The following ARHGAP20 variants were observed in gnomAD, a reference collection of about 807,000 sequenced individuals.
ARHGAP20 encodes rho GTPase-activating protein 20.
In ARHGAP20, 34 loss-of-function variants were observed where a neutral mutation model predicts 73.7. The observed-to-expected ratio is 0.46, with a 90% CI of 0.35 to 0.61. The LOEUF is 0.61. Among genes scored for constraint, ARHGAP20 ranks in the 20% least tolerant of loss-of-function variants. ARHGAP20 has a pLI of 0.00. For missense variants in ARHGAP20, 1,314 were observed against 1,420.9 expected (o/e 0.92, Z 1.21); for synonymous variants, 523 against 518.2 (o/e 1.01, Z -0.13).
At chr11:110,687,258 G>T (rs1950155929) in intron 2 of ARHGAP20, among the ~76,000 whole-genome samples, 1 of 151,408 alleles carries the variant, frequency 6.6e-6, no homozygotes, top group South Asian at 2.1e-4. Context: ...ATAGAGACAG[G>T]GTCTTGCTAT....
At chr11:110,651,516 A>G (rs1462472342) in intron 2 of ARHGAP20, among the ~76,000 whole-genome samples, 2 of 152,074 alleles carry the variant, frequency 1.3e-5, no homozygotes, top group Non-Finnish European at 2.9e-5. Context: ...AGAATTGAAT[A>G]GATGCAATAA....
At chr11:110,699,991 GCA>G (rs1950412840) in intron 1 of ARHGAP20, among the ~76,000 whole-genome samples, 1 of 151,980 alleles carries the variant, frequency 6.6e-6, no homozygotes, top group Non-Finnish European at 1.5e-5. Context: ...CAATAACAAT[GCA>G]GAAAACACTT....
chr11:110,594,521 T>G (rs1947905131), intron 9 of ARHGAP20, among the ~76,000 whole-genome samples: 1 of 152,210 alleles, frequency 6.6e-6, no homozygotes, highest in South Asian at 2.1e-4. Context: ...CTACTCTCCA[T>G]GTGGTTTCAC....
At chr11:110,627,510 T>C (rs548223642) in intron 3 of ARHGAP20, among the ~76,000 whole-genome samples, 5 of 152,172 alleles carry the variant, frequency 3.3e-5, no homozygotes, top group Admixed American at 6.5e-5. Context: ...ATTGATGAAA[T>C]ACACAGGATT....
intron 7 of ARHGAP20, 70 bp downstream of exon 7, chr11:110,611,239 G>T: frequency 9.5e-7 from 1 of 1,049,070 alleles, no homozygotes; most frequent in Non-Finnish European, 1.4e-6. Flanking sequence ...ATGATGGAAG[G>T]AAAATACTTA....
At chr11:110,624,908 C>A (rs1415761714) in intron 3 of ARHGAP20, among the ~76,000 whole-genome samples, 1 of 152,060 alleles carries the variant, frequency 6.6e-6, no homozygotes, top group African/African-American at 2.4e-5. Flanking sequence ...AACCTAACTT[C>A]AAATGTACTG....
chr11:110,607,523 T>A (rs1409279316), intron 8 of ARHGAP20, among the ~76,000 whole-genome samples: 1 of 152,188 alleles, frequency 6.6e-6, no homozygotes. Flanking sequence ...TGATGTAGAT[T>A]TTTTTTAAGT....
chr11:110,625,020 ATTTTTATTTTTATT>A (rs1948708191), intron 3 of ARHGAP20, among the ~76,000 whole-genome samples: 3 of 125,086 alleles, frequency 2.4e-5, no homozygotes, highest in African/African-American at 8.1e-5. Context: ...TTTTTTTTTT[ATTTTTATTTTTATT>A]TTTTTTTTTT....
At chr11:110,686,296 TA>T (rs574962911) in intron 2 of ARHGAP20, among the ~76,000 whole-genome samples, 1 of 151,682 alleles carries the variant, frequency 6.6e-6, no homozygotes, top group Non-Finnish European at 1.5e-5. Context: ...CTCCAAGTTT[TA>T]AAAAAAACTG....
intron 1 of ARHGAP20, among the ~76,000 whole-genome samples, chr11:110,697,401 T>C (rs1332336756): frequency 6.6e-6 from 1 of 151,824 alleles, no homozygotes; most frequent in Non-Finnish European, 1.5e-5. Flanking sequence ...TCTGTTCATG[T>C]CCTTTGCCCA....
Position 110,580,689 on chromosome 11 carries a change from C to A in ARHGAP20, c.2257G>T (p.Gly753Ter), listed in dbSNP as rs766995429. Residue 753 changes from glycine to a stop codon, truncating the protein, a stop_gained, in exon 15 of 15, where the codon GGA becomes TGA. Transcript: ENST00000683387. LOFTEE classifies it low-confidence loss of function (END_TRUNC). ...LKQNQPLQEE[G>*]KTCFKQSLVT... is the part of the protein sequence containing the mutation. Reference sequence around the variant, plus strand: ...AAACTCTGTTTAAAACATGTCTTTCCTTCCTCCTGGAGGGGTTGATTCTGC... The same window carrying A: ...AAACTCTGTTTAAAACATGTCTTTCATTCCTCCTGGAGGGGTTGATTCTGC... 6.2e-7 allele frequency: 1 copy of A among 1,613,898 alleles called. No individual in the cohort carries two copies. The highest frequency in any genetic ancestry group is 2.2e-5 in the East Asian group (1 of 44,882).
chr11:110,657,920 GAGGAAGGAAGGAAGGAAGGAAGGA>G (rs3044293), intron 2 of ARHGAP20, among the ~76,000 whole-genome samples: 11 of 134,056 alleles, frequency 8.2e-5, no homozygotes, highest in Admixed American at 7.7e-4. Flanking sequence ...AAAAGAGAGA[GAGGAAGGAAGGAAGGAAGGAAGGA>G]AGGAAGGAAG....
At chr11:110,596,070 C>T (rs189817408) in intron 9 of ARHGAP20, among the ~76,000 whole-genome samples, 17,726 of 152,014 alleles carry the variant, frequency 0.12, 1,360 homozygotes, top group African/African-American at 0.21. Context: ...ATAAATGGTG[C>T]TGGGAAAACT....
chr11:110,659,180 T>G (rs1949541404), intron 2 of ARHGAP20, among the ~76,000 whole-genome samples: 1 of 144,812 alleles, frequency 6.9e-6, no homozygotes, highest in African/African-American at 2.6e-5. Context: ...CCACCAACAG[T>G]GTAAAAGTGT....
At chr11:110,603,496 G>T (rs1264262489) in intron 9 of ARHGAP20, among the ~76,000 whole-genome samples, 2 of 152,146 alleles carry the variant, frequency 1.3e-5, no homozygotes, top group Admixed American at 6.5e-5. Context: ...ATATCAAGCT[G>T]CTTTATATAC....
intron 3 of ARHGAP20, among the ~76,000 whole-genome samples, chr11:110,626,462 G>T (rs968052416): frequency 2.5e-4 from 38 of 152,136 alleles, no homozygotes; most frequent in African/African-American, 9.2e-4. Flanking sequence ...TACCATTGTT[G>T]TAAATACTTT....
intron 2 of ARHGAP20, among the ~76,000 whole-genome samples, chr11:110,643,410 A>G (rs1320586513): frequency 6.6e-6 from 1 of 152,064 alleles, no homozygotes; most frequent in Non-Finnish European, 1.5e-5. Flanking sequence ...TAGTACGACA[A>G]TCTTTCCTCT....
At chr11:110,614,928 T>C (rs1253145941) in intron 5 of ARHGAP20, among the ~76,000 whole-genome samples, 1 of 152,164 alleles carries the variant, frequency 6.6e-6, no homozygotes, top group Non-Finnish European at 1.5e-5. Flanking sequence ...GTAATGTCTG[T>C]CTTCTTTGGA....
At chr11:110,641,635 G>A (rs1178163498) in intron 2 of ARHGAP20, among the ~76,000 whole-genome samples, 2 of 151,976 alleles carry the variant, frequency 1.3e-5, no homozygotes. Context: ...CTCAGAGGCT[G>A]TAGTGAGCTA....
Sources: gnomAD v4.1 joint callset for allele counts (sites outside exome capture counted in the v4.1 genomes callset) on GRCh38, gnomAD v4.1.1 for gene constraint, MANE v1.5 for transcripts, NCBI Gene and HGNC (gene_info 2026-07-23, HGNC 2026-07-21) for gene names.